The following GABBR2 variants were observed in gnomAD, a reference collection of about 807,000 sequenced individuals.
GABBR2 encodes the protein G-protein coupled receptor 51.
Under a neutral mutation model 105.6 loss-of-function variants are expected in GABBR2, and 23 were observed. The ratio of observed to expected loss-of-function variants is 0.22; its 90% confidence interval spans 0.16 to 0.31. The LOEUF (loss-of-function observed/expected upper bound fraction) is 0.31, where lower values mean the gene tolerates loss of function less well. Ranked by LOEUF, GABBR2 falls within the 10% of genes least tolerant of loss-of-function variation. The probability of loss-of-function intolerance (pLI) is 1.00; values close to 1 mark genes in which losing one functional copy is unlikely to be tolerated. For synonymous variants in GABBR2, 478 were observed against 499.7 expected (o/e 0.96, Z 0.58); for missense variants, 734 against 1,245.5 (o/e 0.59, Z 6.18).
chr9:98,359,734 A>G (rs1588121010), intron 13 of GABBR2, among the ~76,000 whole-genome samples: 1 of 152,188 alleles, frequency 6.6e-6, no homozygotes, highest in Non-Finnish European at 1.5e-5. Flanking sequence ...TGTGGCTGCC[A>G]TGGCTACCTG....
chr9:98,588,673 A>G (rs771952327), intron 1 of GABBR2, among the ~76,000 whole-genome samples: 9 of 152,232 alleles, frequency 5.9e-5, no homozygotes, highest in Admixed American at 2.6e-4. Flanking sequence ...CAGGTTCCAG[A>G]GTCCATGCTC....
At chr9:98,404,304 C>A (rs1282841207) in intron 8 of GABBR2, among the ~76,000 whole-genome samples, 1 of 151,898 alleles carries the variant, frequency 6.6e-6, no homozygotes, top group African/African-American at 2.4e-5. Flanking sequence ...CCTAAAATTA[C>A]ATCTTTTGTG....
intron 17 of GABBR2, among the ~76,000 whole-genome samples, chr9:98,298,877 C>T (rs925676494): frequency 5.3e-5 from 8 of 152,148 alleles, no homozygotes; most frequent in African/African-American, 1.2e-4. Flanking sequence ...TGTGAAATAT[C>T]GTTCAGAGAA....
At chr9:98,336,241 C>T (rs1028627293) in intron 13 of GABBR2, among the ~76,000 whole-genome samples, 1 of 152,176 alleles carries the variant, frequency 6.6e-6, no homozygotes, top group Non-Finnish European at 1.5e-5. Flanking sequence ...GAGCTCCAGA[C>T]AGAAGGCCCA....
intron 2 of GABBR2, among the ~76,000 whole-genome samples, chr9:98,563,726 A>G (rs1229962754): frequency 1.3e-5 from 2 of 152,226 alleles, no homozygotes; most frequent in Non-Finnish European, 2.9e-5. Flanking sequence ...GAATGTCTAG[A>G]TCGTTATCTA....
At chr9:98,529,884 T>G (rs2779587) in intron 3 of GABBR2, among the ~76,000 whole-genome samples, 7,296 of 152,282 alleles carry the variant, frequency 0.048, 256 homozygotes, top group South Asian at 0.13. Flanking sequence ...TCGCCATCCT[T>G]CTTGCCTCCT....
chr9:98,682,486 G>C lies in GABBR2; in HGVS notation c.321+25931C>G, dbSNP rs142453337. Reference sequence around the variant, plus strand: ...TGCCTCCTGGATTCAAGCAATTCTCGTGCCTCAGCCTCCCAAGTAGCTGGG... The same window carrying C: ...TGCCTCCTGGATTCAAGCAATTCTCCTGCCTCAGCCTCCCAAGTAGCTGGG... On this transcript the variant is annotated intron_variant, in intron 1 of 18. Transcript: ENST00000259455. Among the ~76,000 whole-genome samples, 213 of 145,362 alleles carry C rather than the reference G, an allele frequency of 1.5e-3. 1 individual carries two copies. The highest frequency in any genetic ancestry group is 5.3e-3 in the African/African-American group (207 of 39,070).
At chr9:98,391,581 C>T (rs1832181657) in intron 9 of GABBR2, among the ~76,000 whole-genome samples, 2 of 152,146 alleles carry the variant, frequency 1.3e-5, no homozygotes, top group African/African-American at 4.8e-5. Flanking sequence ...GACGAAGGAG[C>T]TGAGTCTCGA....
intron 4 of GABBR2, among the ~76,000 whole-genome samples, chr9:98,494,474 G>A (rs1186240129): frequency 3.9e-5 from 6 of 152,168 alleles, no homozygotes; most frequent in African/African-American, 7.2e-5. Flanking sequence ...TGCTCTCCTG[G>A]CTTATGTGAT....
chr9:98,297,633 A>C (rs113036522), intron 17 of GABBR2, among the ~76,000 whole-genome samples: 32,481 of 151,838 alleles, frequency 0.21, 3,592 homozygotes, highest in African/African-American at 0.26. Flanking sequence ...AAAAATAAAT[A>C]AATAAAATAA....
At chr9:98,600,551 T>C (rs12684622) in intron 1 of GABBR2, among the ~76,000 whole-genome samples, 29,856 of 152,282 alleles carry the variant, frequency 0.2, 3,688 homozygotes, top group Non-Finnish European at 0.27. Context: ...CTGCTTTCTC[T>C]GCATAAGCCT....
In GABBR2 at chr9:98,454,161, G is replaced by C; in HGVS notation, c.1056C>G (p.Ser352Arg). 1 of 1,614,144 alleles carries C rather than the reference G, an allele frequency of 6.2e-7. No homozygotes were observed. The highest frequency in any genetic ancestry group is 8.5e-7 in the Non-Finnish European group (1 of 1,180,012). ...YNNKRSGVGP[S>R]KFHGYAYDGI... ...CATCGTAGGCGTACCCGTGGAACTT[G>C]CTGGGCCCCACGCCTGACCGCTTGT... The change falls in exon 7 of 19, where the codon AGC becomes AGG. Residue 352 changes from serine (S) to arginine (R), a missense_variant. This residue lies in a region of GABBR2 where 370 missense variants were observed against 648.9 expected (regional missense o/e 0.57). Transcript: ENST00000259455. The surrounding 1 kb of genome is among the most constrained non-coding windows in gnomAD (Gnocchi z 4.6).
At chr9:98,647,174 T>G (rs1278709936) in intron 1 of GABBR2, among the ~76,000 whole-genome samples, 1 of 152,240 alleles carries the variant, frequency 6.6e-6, no homozygotes, top group Non-Finnish European at 1.5e-5. Flanking sequence ...GTCCCTGTGC[T>G]ATAGAGCTCA....
chr9:98,523,157 G>A (rs768772934), intron 3 of GABBR2, among the ~76,000 whole-genome samples: 5 of 152,014 alleles, frequency 3.3e-5, no homozygotes, highest in Non-Finnish European at 4.4e-5. Context: ...ACCAAAACAA[G>A]AGTAAAAAAT....
intron 1 of GABBR2, among the ~76,000 whole-genome samples, chr9:98,637,886 G>A (rs1308392952): frequency 6.6e-6 from 1 of 152,326 alleles, no homozygotes; most frequent in Middle Eastern, 3.4e-3. Context: ...ACAGCAGCAA[G>A]AGAAATCTAA....
At chr9:98,505,694 G>C (rs1222407033) in intron 3 of GABBR2, among the ~76,000 whole-genome samples, 1 of 152,160 alleles carries the variant, frequency 6.6e-6, no homozygotes, top group African/African-American at 2.4e-5. Flanking sequence ...GGGGCACAGA[G>C]ACATGAAGGG....
chr9:98,499,478 C>G (rs1406568456), intron 3 of GABBR2, among the ~76,000 whole-genome samples: 1 of 152,180 alleles, frequency 6.6e-6, no homozygotes, highest in Non-Finnish European at 1.5e-5. Flanking sequence ...CACTCACCGC[C>G]CATAATCTCA....
chr9:98,399,072 G>T (rs1240979484), intron 8 of GABBR2, among the ~76,000 whole-genome samples: 1 of 152,058 alleles, frequency 6.6e-6, no homozygotes, highest in East Asian at 1.9e-4. Context: ...AATTCATCTT[G>T]GGGCCGGGTG....
rs185798174 is a variant in GABBR2, at chr9:98,310,352, G to A, written c.2004+743C>T. 2.5e-4 allele frequency among the ~76,000 whole-genome samples: 38 copies of A among 151,886 alleles called. No homozygotes were observed. The East Asian group carries it at 4.6e-3, about 19-fold the overall frequency. On this transcript the variant is annotated intron_variant, in intron 14 of 18. Coordinates refer to ENST00000259455, the MANE Select transcript of GABBR2 (RefSeq NM_005458.8). ...CAACCTCTGCCTCCCGGGTTCAAGC[G>A]ATTCTCCTGCCTCAGCCTCCAAAGT...
Sources: allele counts gnomAD v4.1 joint callset (sites outside exome capture counted in the v4.1 genomes callset), GRCh38; gene constraint gnomAD v4.1.1; regional missense constraint gnomAD v4.1.1; non-coding constraint Gnocchi (gnomAD v3.1); transcripts MANE v1.5; gene names NCBI Gene and HGNC (gene_info 2026-07-23, HGNC 2026-07-21).